PDZRN3: variants seen among roughly 807,000 people sequenced by gnomAD.
The protein encoded by PDZRN3 is E3 ubiquitin-protein ligase PDZRN3.
In PDZRN3, 38 loss-of-function variants were observed where a neutral mutation model predicts 85.7. The observed-to-expected ratio is 0.44, with a 90% CI of 0.34 to 0.58. The LOEUF is 0.58. PDZRN3 is among the 20% of genes least tolerant of loss of function. PDZRN3 has a pLI of 0.01. For synonymous variants in PDZRN3, 759 were observed against 638.0 expected (o/e 1.19, Z -2.86); for missense variants, 1,629 against 1,506.4 (o/e 1.08, Z -1.35).
chr3:73,446,087 A>G (rs957250570), intron 3 of PDZRN3, among the ~76,000 whole-genome samples: 1 of 152,242 alleles, frequency 6.6e-6, no homozygotes, highest in Non-Finnish European at 1.5e-5. Flanking sequence ...GAAAGCTGAT[A>G]AGTGGGTGCT....
At chr3:73,580,810 T>C (rs915442205) in intron 3 of PDZRN3, among the ~76,000 whole-genome samples, 4 of 152,360 alleles carry the variant, frequency 2.6e-5, no homozygotes, top group African/African-American at 9.6e-5. Flanking sequence ...TCTGGACATC[T>C]GTGGCTGAGT....
At chr3:73,497,854 GCACGACTCGAACCTCTGGGCC>G (rs1408840360) in intron 3 of PDZRN3, among the ~76,000 whole-genome samples, 1 of 151,944 alleles carries the variant, frequency 6.6e-6, no homozygotes, top group Non-Finnish European at 1.5e-5. Flanking sequence ...CGTAACAGGG[GCACGACTCGAACCTCTGGGCC>G]CACACCCACA....
chr3:73,430,082 C>T (rs1011919168), intron 3 of PDZRN3, among the ~76,000 whole-genome samples: 14 of 152,222 alleles, frequency 9.2e-5, no homozygotes, highest in Admixed American at 3.9e-4. Flanking sequence ...GAAAAGAATT[C>T]ACAGATGTGG....
intron 3 of PDZRN3, among the ~76,000 whole-genome samples, chr3:73,590,070 A>G (rs1225516093): frequency 1.3e-5 from 2 of 151,980 alleles, no homozygotes; most frequent in Admixed American, 6.6e-5. Context: ...AAAGTTCAAG[A>G]CCCTCCTGGA....
chr3:73,421,487 G>A (rs1407428954), intron 3 of PDZRN3, among the ~76,000 whole-genome samples: 1 of 152,156 alleles, frequency 6.6e-6, no homozygotes, highest in Non-Finnish European at 1.5e-5. Flanking sequence ...GAACATAGTA[G>A]GCACTCACTA....
At chr3:73,513,548 A>G (rs1390883379) in intron 3 of PDZRN3, among the ~76,000 whole-genome samples, 1 of 152,212 alleles carries the variant, frequency 6.6e-6, no homozygotes, top group Non-Finnish European at 1.5e-5. Flanking sequence ...ACTTGTTAAC[A>G]TTCACTTGTT....
intron 3 of PDZRN3, among the ~76,000 whole-genome samples, chr3:73,542,952 A>G (rs1365636410): frequency 1.3e-5 from 2 of 152,152 alleles, no homozygotes; most frequent in Non-Finnish European, 2.9e-5. Context: ...TGCCACAGCA[A>G]AAGATACTTT....
In PDZRN3 at chr3:73,493,232, T is replaced by G. The variant is rs959534918; in HGVS notation, c.919-88837A>C. ...CACCCAAGGTCTCTCTAGACTCTTA[T>G]GTTCTACCTGTCTTTCTGAAAGCCC... On this transcript the variant is annotated intron_variant, in intron 3 of 9. Transcript: ENST00000263666. Among the ~76,000 whole-genome samples the G allele has an allele frequency of 5.9e-5, 9 of 152,286 alleles. No individual in the cohort carries two copies. In the South Asian group the frequency reaches 1.9e-3, roughly 32 times the overall value.
chr3:73,511,789 A>T (rs1019187051), intron 3 of PDZRN3, among the ~76,000 whole-genome samples: 2 of 152,254 alleles, frequency 1.3e-5, no homozygotes, highest in African/African-American at 4.8e-5. Context: ...GCTTGGTTTA[A>T]AAGGAGCCCT....
intron 3 of PDZRN3, among the ~76,000 whole-genome samples, chr3:73,549,432 T>C (rs1701501307): frequency 6.6e-6 from 1 of 152,174 alleles, no homozygotes; most frequent in Non-Finnish European, 1.5e-5. Flanking sequence ...AGTCCAACCC[T>C]GCAAGCCCAA....
At chr3:73,408,336 A>G (rs1397635634) in intron 3 of PDZRN3, 8 of 623,960 alleles carry the variant, frequency 1.3e-5, no homozygotes. Flanking sequence ...GTAATGCCTA[A>G]ATGCCAATAA....
At chr3:73,573,982 C>A (rs1369043975) in intron 3 of PDZRN3, among the ~76,000 whole-genome samples, 4 of 152,192 alleles carry the variant, frequency 2.6e-5, no homozygotes, top group African/African-American at 9.7e-5. Context: ...GCCATATATG[C>A]AAACTTCTAG....
In PDZRN3 at chr3:73,493,921, C is replaced by T. The variant is rs1486678663; in HGVS notation, c.919-89526G>A. On this transcript the variant is annotated intron_variant, in intron 3 of 9. Transcript: ENST00000263666. ...CCACTTTCACCATGTTTGAGAAGAACGTGCCCCAAAACCAAGCCAACAGTG... is the reference window on the plus strand; with the variant it reads ...CCACTTTCACCATGTTTGAGAAGAATGTGCCCCAAAACCAAGCCAACAGTG... Among the ~76,000 whole-genome samples, 6 of 152,280 alleles carry T rather than the reference C, an allele frequency of 3.9e-5. No individual in the cohort carries two copies. The East Asian group carries it at 9.7e-4, about 24-fold the overall frequency.
At chr3:73,531,054 T>C (rs1704641755) in intron 3 of PDZRN3, among the ~76,000 whole-genome samples, 1 of 151,934 alleles carries the variant, frequency 6.6e-6, no homozygotes, top group Non-Finnish European at 1.5e-5. Context: ...ATCGAGACCA[T>C]CCTGGCTAAC....
intron 9 of PDZRN3, among the ~76,000 whole-genome samples, chr3:73,385,327 T>A (rs1254232802): frequency 6.6e-6 from 1 of 150,770 alleles, no homozygotes; most frequent in African/African-American, 2.4e-5. Context: ...GCTAGAGAGC[T>A]CCAAGCAGCT....
intron 3 of PDZRN3, among the ~76,000 whole-genome samples, chr3:73,425,445 C>T (rs1423254860): frequency 1.3e-5 from 2 of 152,114 alleles, no homozygotes; most frequent in Non-Finnish European, 2.9e-5. Flanking sequence ...ACATGCCCTC[C>T]TGGTGATTCT....
At chr3:73,523,010 TTTTGTTTGTTTG>T (rs369857452) in intron 3 of PDZRN3, among the ~76,000 whole-genome samples, 1 of 152,016 alleles carries the variant, frequency 6.6e-6, no homozygotes, top group African/African-American at 2.4e-5. Context: ...GAAGAGTTTT[TTTTGTTTGTTTG>T]TTTGTTTGTT....
At chr3:73,450,735 C>G (rs993796287) in intron 3 of PDZRN3, among the ~76,000 whole-genome samples, 2 of 152,170 alleles carry the variant, frequency 1.3e-5, no homozygotes, top group Non-Finnish European at 2.9e-5. Flanking sequence ...GGAAAACCAT[C>G]CAACAGCACC....
intron 1 of PDZRN3, among the ~76,000 whole-genome samples, chr3:73,618,309 A>G (rs1200546826): frequency 6.6e-6 from 1 of 152,214 alleles, no homozygotes; most frequent in East Asian, 1.9e-4. Flanking sequence ...GGCATACATA[A>G]TAATGGTGCT....
Sources: allele counts gnomAD v4.1 joint callset (sites outside exome capture counted in the v4.1 genomes callset), GRCh38; gene constraint gnomAD v4.1.1; transcripts MANE v1.5; gene names NCBI Gene and HGNC (gene_info 2026-07-23, HGNC 2026-07-21).